Variants in SMCHD1 observed in about 807,000 individuals in gnomAD.
The protein encoded by SMCHD1 is structural maintenance of chromosomes flexible hinge domain-containing protein 1.
Under a neutral mutation model 254.7 loss-of-function variants are expected in SMCHD1, and 78 were observed. The observed-to-expected ratio is 0.31, with a 90% CI of 0.26 to 0.37. SMCHD1 has a LOEUF of 0.37. SMCHD1 is among the 10% of genes least tolerant of loss of function. The pLI is 1.00. For missense variants in SMCHD1, 1,840 were observed against 2,408.1 expected (o/e 0.76, Z 4.94); for synonymous variants, 766 against 794.9 (o/e 0.96, Z 0.61).
chr18:2,661,510 AC>A (rs1289616358), intron 1 of SMCHD1, among the ~76,000 whole-genome samples: 2 of 151,602 alleles, frequency 1.3e-5, no homozygotes, highest in African/African-American at 4.9e-5. Context: ...GGATTAAAAA[AC>A]ATCTGTGGGT....
chr18:2,769,768 A>C lies in SMCHD1; in HGVS notation c.4794A>C (p.Pro1598=), dbSNP rs2075941865. 4.4e-6 allele frequency: 7 copies of C among 1,604,302 alleles called. No homozygotes were observed. The highest frequency in any genetic ancestry group is 6.0e-6 in the Non-Finnish European group (7 of 1,174,464). Residue 1598 remains proline, a synonymous_variant, in exon 38 of 48, where the codon CCA becomes CCC. Transcript: ENST00000320876. The part of the protein sequence containing the change: ...EYFIVFEPRL[P]LLSRTLEPYI... ...TTATTGTATTTGAGCCCCGGCTACC[A>C]CTTTTATCAAGAACCTTAGAACCAT...
chr18:2,691,143 T>C (rs1211332352), intron 7 of SMCHD1, among the ~76,000 whole-genome samples: 1 of 152,166 alleles, frequency 6.6e-6, no homozygotes, highest in Non-Finnish European at 1.5e-5. Flanking sequence ...CAGTATTCCA[T>C]CTTGTCTTAA....
At chr18:2,748,167 C>A (rs989226199) in intron 30 of SMCHD1, among the ~76,000 whole-genome samples, 1 of 151,816 alleles carries the variant, frequency 6.6e-6, no homozygotes, top group African/African-American at 2.4e-5. Context: ...TTTTATGGGG[C>A]AAGTATGAAC....
At chr18:2,657,612 TTA>T (rs891158469) in intron 1 of SMCHD1, among the ~76,000 whole-genome samples, 2 of 152,144 alleles carry the variant, frequency 1.3e-5, no homozygotes, top group African/African-American at 2.4e-5. Context: ...GCACCTGAGG[TTA>T]TGTCTTTTCA....
chr18:2,694,535 T>C lies in SMCHD1; in HGVS notation c.882T>C (p.Asp294=). ...TCTGTTCACTCTTGTAGCCCTCTGA[T>C]TCTGTTCACATTACAAATGATGATG... is the stretch of plus-strand genomic sequence containing the variant. ...SGYIRNRKPS[D]SVHITNDDER... The change falls in exon 8 of 48, where the codon GAT becomes GAC. Residue 294 remains aspartate, a synonymous_variant. Transcript: ENST00000320876. 3 of 1,583,656 alleles carry C rather than the reference T, an allele frequency of 1.9e-6. No homozygotes were observed. Among genetic ancestry groups the C allele is most frequent in the Middle Eastern group, 1.7e-4 (1 of 5,952 alleles).
intron 12 of SMCHD1, among the ~76,000 whole-genome samples, 156 bp from the exon 13 acceptor site, chr18:2,703,536 G>A (rs2074449840): frequency 6.6e-6 from 1 of 152,064 alleles, no homozygotes; most frequent in Non-Finnish European, 1.5e-5. Flanking sequence ...TATCCTAAAT[G>A]TGTACAGAGG....
intron 1 of SMCHD1, among the ~76,000 whole-genome samples, chr18:2,663,753 C>T (rs977515769): frequency 5.7e-4 from 86 of 151,148 alleles, no homozygotes; most frequent in Non-Finnish European, 2.7e-4. Flanking sequence ...CTCGCTCTGT[C>T]GCCCAGGCTG....
chr18:2,775,636 C>A, intron 41 of SMCHD1, 98 bp from the exon 42 acceptor site: 2 of 890,228 alleles, frequency 2.2e-6, no homozygotes, highest in Non-Finnish European at 3.2e-6. Flanking sequence ...TCATGTGTTT[C>A]AGAGAAGTTT....
chr18:2,709,142 G>T (rs941250825), intron 17 of SMCHD1, among the ~76,000 whole-genome samples: 5 of 148,992 alleles, frequency 3.4e-5, no homozygotes, highest in Non-Finnish European at 5.9e-5. Flanking sequence ...TTTGTGTCTG[G>T]CCTGTTTCGC....
At chr18:2,761,124 G>A (rs1192787134) in intron 35 of SMCHD1, among the ~76,000 whole-genome samples, 1 of 152,176 alleles carries the variant, frequency 6.6e-6, no homozygotes, top group Non-Finnish European at 1.5e-5. Flanking sequence ...ACATGGATGT[G>A]GCTAGAGGCC....
At chr18:2,759,105 T>C (rs2075734494) in intron 34 of SMCHD1, among the ~76,000 whole-genome samples, 1 of 152,216 alleles carries the variant, frequency 6.6e-6, no homozygotes, top group African/African-American at 2.4e-5. Flanking sequence ...GTTGTGATTT[T>C]CTCTTAGTTT....
intron 22 of SMCHD1, among the ~76,000 whole-genome samples, chr18:2,727,338 CATATT>C (rs755355896): frequency 2.6e-5 from 4 of 152,038 alleles, no homozygotes; most frequent in Non-Finnish European, 2.9e-5. Context: ...CAAAAAGAAA[CATATT>C]AGCTATTTGC....
At chr18:2,679,480 CAAAAAAAAA>C (rs59034633) in intron 5 of SMCHD1, among the ~76,000 whole-genome samples, 6 of 58,698 alleles carry the variant, frequency 1.0e-4, no homozygotes, top group East Asian at 1.1e-3. Context: ...ACTCCATCTC[CAAAAAAAAA>C]AAAAAAAAAA....
intron 15 of SMCHD1, 75 bp from the exon 16 acceptor site, chr18:2,707,488 A>G: frequency 1.2e-6 from 1 of 845,168 alleles, no homozygotes; most frequent in Non-Finnish European, 1.9e-6. Context: ...TTAAGTTTCT[A>G]ATAACTCGTA....
intron 25 of SMCHD1, 133 bp downstream of exon 25, chr18:2,732,625 T>C (rs1210819075): frequency 1.7e-6 from 1 of 591,202 alleles, no homozygotes; most frequent in African/African-American, 1.9e-5. Context: ...TCATTTCAAA[T>C]TGTAAGCAGA....
At chr18:2,706,574 A>T (rs2143243428) in intron 15 of SMCHD1, 104 bp downstream of exon 15, 2 of 735,554 alleles carry the variant, frequency 2.7e-6, no homozygotes, top group East Asian at 5.6e-5. Flanking sequence ...GGGCATTTGT[A>T]GTCTTAGATA....
chr18:2,695,233 C>T (rs796251009), intron 8 of SMCHD1, among the ~76,000 whole-genome samples: 28 of 152,054 alleles, frequency 1.8e-4, no homozygotes, highest in African/African-American at 6.5e-4. Context: ...TGTTTTTATT[C>T]CAGTAACACT....
At chr18:2,736,535 A>G (rs560417205) in intron 25 of SMCHD1, among the ~76,000 whole-genome samples, 2 of 152,346 alleles carry the variant, frequency 1.3e-5, no homozygotes, top group African/African-American at 2.4e-5. Flanking sequence ...ACCAGAATCT[A>G]TAAGGAACTT....
chr18:2,669,164 G>A (rs2509466), intron 3 of SMCHD1, among the ~76,000 whole-genome samples: 26,756 of 151,840 alleles, frequency 0.18, 5,807 homozygotes, highest in African/African-American at 0.52. Context: ...TGGGGGACAT[G>A]ATATGACCCC....
Sources: gnomAD v4.1 joint callset for allele counts (sites outside exome capture counted in the v4.1 genomes callset) on GRCh38, gnomAD v4.1.1 for gene constraint, MANE v1.5 for transcripts, NCBI Gene and HGNC (gene_info 2026-07-23, HGNC 2026-07-21) for gene names.